The following PPP3CA variants were observed in gnomAD, a reference collection of about 807,000 sequenced individuals.
The protein encoded by PPP3CA is protein phosphatase 3 catalytic subunit alpha, also known as CAM-PRP catalytic subunit.
A neutral mutation model predicts 66.5 loss-of-function variants in PPP3CA; 14 were observed. The observed-to-expected ratio is 0.21, with a 90% CI of 0.14 to 0.33. The LOEUF is 0.33. Among genes scored for constraint, PPP3CA ranks in the 10% least tolerant of loss-of-function variants. The pLI is 1.00. For missense variants in PPP3CA, 317 were observed against 639.5 expected, an observed-to-expected ratio of 0.50 and a Z score of 5.44; for synonymous variants, 232 against 226.2, an observed-to-expected ratio of 1.03 and a Z score of -0.23.
intron 2 of PPP3CA, among the ~76,000 whole-genome samples, chr4:101,117,034 C>T (rs569430896): frequency 5.5e-4 from 83 of 151,614 alleles, no homozygotes; most frequent in Non-Finnish European, 8.7e-4. Flanking sequence ...AAATCAAATA[C>T]AAAACAATAA....
At chr4:101,109,880 C>A (rs1423594831) in intron 2 of PPP3CA, among the ~76,000 whole-genome samples, 1 of 152,006 alleles carries the variant, frequency 6.6e-6, no homozygotes, top group Non-Finnish European at 1.5e-5. Flanking sequence ...ATACTTATTT[C>A]GTTTCCACTT....
intron 2 of PPP3CA, among the ~76,000 whole-genome samples, chr4:101,165,104 T>TAAACA (rs1234408413): frequency 6.6e-6 from 1 of 152,122 alleles, no homozygotes; most frequent in Non-Finnish European, 1.5e-5. Flanking sequence ...AATCTGCGAT[T>TAAACA]AAACAAAACG....
At chr4:101,194,981 A>T (rs1051088825) in intron 2 of PPP3CA, among the ~76,000 whole-genome samples, 2 of 152,166 alleles carry the variant, frequency 1.3e-5, no homozygotes, top group African/African-American at 4.8e-5. Flanking sequence ...AATAAAATAA[A>T]AAATAAAAAG....
chr4:101,172,584 G>A (rs1027886427), intron 2 of PPP3CA, among the ~76,000 whole-genome samples: 1 of 151,934 alleles, frequency 6.6e-6, no homozygotes, highest in Non-Finnish European at 1.5e-5. Context: ...ATCTTAAAAC[G>A]AGTCTTTGTC....
At chr4:101,218,027 T>G (rs987076631) in intron 1 of PPP3CA, among the ~76,000 whole-genome samples, 6 of 152,122 alleles carry the variant, frequency 3.9e-5, no homozygotes, top group East Asian at 3.9e-4. Context: ...TGAAATAGTC[T>G]TATTACTCAT....
At chr4:101,029,066 A>G in intron 13 of PPP3CA, 100 bp downstream of exon 13, 1 of 1,135,232 alleles carries the variant, frequency 8.8e-7, no homozygotes, top group East Asian at 2.4e-5. Flanking sequence ...TGTTAGCTCA[A>G]CACCCACACA....
At chr4:101,205,405 CTAAG>C (rs756601657) in intron 1 of PPP3CA, among the ~76,000 whole-genome samples, 1 of 152,072 alleles carries the variant, frequency 6.6e-6, no homozygotes, top group South Asian at 2.1e-4. Context: ...ACTCAACAGC[CTAAG>C]TAAGACATGA....
intron 1 of PPP3CA, among the ~76,000 whole-genome samples, chr4:101,203,064 G>A (rs996501334): frequency 6.6e-6 from 1 of 152,056 alleles, no homozygotes; most frequent in Non-Finnish European, 1.5e-5. Context: ...AGGGCATTAT[G>A]GTACTCAAAG....
chr4:101,174,633 G>C (rs1316971177), intron 2 of PPP3CA, among the ~76,000 whole-genome samples: 1 of 152,144 alleles, frequency 6.6e-6, no homozygotes, highest in African/African-American at 2.4e-5. Flanking sequence ...TTTAAGGGGA[G>C]CCTGTGGGTG....
intron 1 of PPP3CA, among the ~76,000 whole-genome samples, chr4:101,226,330 A>G (rs1243279907): frequency 6.6e-6 from 1 of 151,714 alleles, no homozygotes; most frequent in Non-Finnish European, 1.5e-5. Flanking sequence ...AAAATTTCCT[A>G]AAAGTGACAA....
At chr4:101,186,274 A>C (rs191975928) in intron 2 of PPP3CA, among the ~76,000 whole-genome samples, 1 of 152,110 alleles carries the variant, frequency 6.6e-6, no homozygotes, top group East Asian at 1.9e-4. Flanking sequence ...AGGGAGAAAA[A>C]CTCACTGAAA....
chr4:101,057,745 C>T (rs559859586), intron 10 of PPP3CA, among the ~76,000 whole-genome samples: 1 of 152,122 alleles, frequency 6.6e-6, no homozygotes, highest in Non-Finnish European at 1.5e-5. Context: ...CAATCATAAC[C>T]TATCGTGAAT....
chr4:101,330,720 T>C (rs1467339357), intron 1 of PPP3CA, among the ~76,000 whole-genome samples: 1 of 152,138 alleles, frequency 6.6e-6, no homozygotes, highest in Non-Finnish European at 1.5e-5. Context: ...CTCTAAAATA[T>C]GCCTGTATAA....
chr4:101,218,213 GC>G (rs1725513754), intron 1 of PPP3CA, among the ~76,000 whole-genome samples: 1 of 151,952 alleles, frequency 6.6e-6, no homozygotes, highest in South Asian at 2.1e-4. Flanking sequence ...ATTAAATGGA[GC>G]TATGAAGAAT....
intron 1 of PPP3CA, among the ~76,000 whole-genome samples, chr4:101,294,122 G>A (rs987930167): frequency 6.6e-6 from 1 of 152,210 alleles, no homozygotes; most frequent in African/African-American, 2.4e-5. Flanking sequence ...AATACAGATA[G>A]AACAGTAAAT....
chr4:101,256,952 T>C (rs1437911276), intron 1 of PPP3CA, among the ~76,000 whole-genome samples: 1 of 152,026 alleles, frequency 6.6e-6, no homozygotes, highest in Non-Finnish European at 1.5e-5. Context: ...TGTTTTACGC[T>C]TGAAGAAACT....
intron 2 of PPP3CA, among the ~76,000 whole-genome samples, chr4:101,184,098 CA>C (rs1724330269): frequency 6.6e-6 from 1 of 152,122 alleles, no homozygotes; most frequent in Non-Finnish European, 1.5e-5. Flanking sequence ...TTTGACTCAA[CA>C]GGGAAATGGA....
intron 1 of PPP3CA, among the ~76,000 whole-genome samples, chr4:101,289,863 T>G (rs1184779699): frequency 7.3e-6 from 1 of 137,796 alleles, no homozygotes; most frequent in Non-Finnish European, 1.5e-5. Flanking sequence ...TCCCAAAATG[T>G]CCGTGTATGT....
chr4:101,175,281 C>T (rs1724023376), intron 2 of PPP3CA, among the ~76,000 whole-genome samples: 1 of 152,126 alleles, frequency 6.6e-6, no homozygotes, highest in African/African-American at 2.4e-5. Context: ...TGAATTAGAA[C>T]TTAGGGGCTG....
Sources: allele counts gnomAD v4.1 joint callset (sites outside exome capture counted in the v4.1 genomes callset), GRCh38; gene constraint gnomAD v4.1.1; transcripts MANE v1.5; gene names NCBI Gene and HGNC (gene_info 2026-07-23, HGNC 2026-07-21).